Variants in LRRC7 observed in about 807,000 individuals in gnomAD.
LRRC7 encodes leucine rich repeat containing 7, also known as leucine-rich repeat-containing protein 7.
LRRC7 carries 23 observed loss-of-function variants against 175.7 expected under a neutral mutation model. The observed-to-expected ratio is 0.13, with a 90% CI of 0.09 to 0.19. The LOEUF (loss-of-function observed/expected upper bound fraction) is 0.19. Among genes scored for constraint, LRRC7 ranks in the 10% least tolerant of loss-of-function variants. LRRC7 has a pLI of 1.00. For synonymous variants in LRRC7, 685 were observed against 680.9 expected, an observed-to-expected ratio of 1.01 and a Z score of -0.09; for missense variants, 1,354 against 1,904.7, an observed-to-expected ratio of 0.71 and a Z score of 5.38.
chr1:69,631,833 G>T (rs1176002475), intron 1 of LRRC7, among the ~76,000 whole-genome samples: 1 of 151,968 alleles, frequency 6.6e-6, no homozygotes, highest in African/African-American at 2.4e-5. Flanking sequence ...TAATCATCCT[G>T]CTCAGTGTGT....
At chr1:69,691,607 G>C (rs1661872919) in intron 2 of LRRC7, among the ~76,000 whole-genome samples, 1 of 152,048 alleles carries the variant, frequency 6.6e-6, no homozygotes, top group African/African-American at 2.4e-5. Flanking sequence ...AGATGGGCCT[G>C]AGCAACATGG....
intron 2 of LRRC7, among the ~76,000 whole-genome samples, chr1:69,690,733 C>T (rs1376878790): frequency 1.3e-5 from 2 of 152,098 alleles, no homozygotes; most frequent in East Asian, 3.9e-4. Context: ...GCTAAATGAC[C>T]ACAGAGCAGA....
intron 3 of LRRC7, among the ~76,000 whole-genome samples, chr1:69,777,582 G>A (rs72941464): frequency 0.024 from 3,596 of 152,268 alleles, 144 homozygotes; most frequent in African/African-American, 0.083. Context: ...CACTCAGCAA[G>A]TGTAATTTCC....
intron 23 of LRRC7, among the ~76,000 whole-genome samples, chr1:70,073,512 G>A (rs1237964817): frequency 6.6e-6 from 1 of 152,038 alleles, no homozygotes; most frequent in Non-Finnish European, 1.5e-5. Context: ...CCAATATATA[G>A]CATTAGCTTT....
At chr1:69,999,287 G>T (rs908736416) in intron 11 of LRRC7, among the ~76,000 whole-genome samples, 1 of 152,158 alleles carries the variant, frequency 6.6e-6, no homozygotes, top group Non-Finnish European at 1.5e-5. Context: ...TGGACAAAAG[G>T]CTTATTCCAG....
chr1:69,895,683 CTA>C (rs1402530612), intron 7 of LRRC7, among the ~76,000 whole-genome samples: 2 of 152,144 alleles, frequency 1.3e-5, no homozygotes, highest in African/African-American at 4.8e-5. Context: ...GTAAATGTAA[CTA>C]TACAGTATAT....
intron 2 of LRRC7, among the ~76,000 whole-genome samples, chr1:69,734,873 T>G (rs765717691): frequency 2.0e-5 from 3 of 151,910 alleles, no homozygotes; most frequent in Non-Finnish European, 4.4e-5. Flanking sequence ...TTTTAAGTTA[T>G]GTAGATAAAT....
intron 4 of LRRC7, among the ~76,000 whole-genome samples, chr1:69,816,965 G>C (rs543174249): frequency 6.6e-6 from 1 of 152,114 alleles, no homozygotes; most frequent in African/African-American, 2.4e-5. Context: ...GTTCCAAATA[G>C]GAGGATTTGC....
intron 2 of LRRC7, among the ~76,000 whole-genome samples, chr1:69,718,096 GAAGA>G (rs1253749925): frequency 3.0e-4 from 8 of 26,818 alleles, no homozygotes; most frequent in African/African-American, 1.3e-3. Flanking sequence ...AAAAGAAAGA[GAAGA>G]AAGAGAGAAA....
intron 4 of LRRC7, among the ~76,000 whole-genome samples, chr1:69,803,266 A>G (rs558458998): frequency 1.2e-4 from 18 of 151,512 alleles, no homozygotes; most frequent in African/African-American, 3.6e-4. Context: ...CCGCAAGAAT[A>G]TTAGGTTCAA....
rs148202443 is a variant in LRRC7 at position 69,603,714 on chromosome 1, G to A, written c.2+35073G>A. ...TTAGGTCCTAGAGGCTAGATATTTT[G>A]TACACAGTAGCTGAAAAATAATTGT... On this transcript the variant is annotated intron_variant, in intron 1 of 26. Coordinates refer to ENST00000651989, the MANE Select transcript of LRRC7 (RefSeq NM_001370785.2). Among the ~76,000 whole-genome samples, 47 of 152,136 alleles carry A rather than the reference G, an allele frequency of 3.1e-4. No homozygotes were observed. In the East Asian group the frequency reaches 8.5e-3, roughly 28 times the overall value.
chr1:69,864,332 G>A (rs1684681683), intron 7 of LRRC7, among the ~76,000 whole-genome samples: 1 of 152,146 alleles, frequency 6.6e-6, no homozygotes, highest in African/African-American at 2.4e-5. Flanking sequence ...GAATAAAATA[G>A]TTGGAAGAAT....
intron 8 of LRRC7, among the ~76,000 whole-genome samples, chr1:69,976,039 A>G (rs931312612): frequency 1.1e-4 from 16 of 152,100 alleles, no homozygotes; most frequent in African/African-American, 3.9e-4. Flanking sequence ...CTTTACAAAT[A>G]ATATTCTACC....
chr1:69,831,137 C>T (rs996115869), intron 5 of LRRC7, among the ~76,000 whole-genome samples: 1 of 151,734 alleles, frequency 6.6e-6, no homozygotes, highest in South Asian at 2.1e-4. Flanking sequence ...CTGTCCCTAC[C>T]AATAGAAAAT....
chr1:69,869,428 A>C (rs1685285050), intron 7 of LRRC7, among the ~76,000 whole-genome samples: 2 of 152,118 alleles, frequency 1.3e-5, no homozygotes, highest in African/African-American at 4.8e-5. Context: ...AATCCAAAGT[A>C]AGAAGCTTGT....
intron 2 of LRRC7, among the ~76,000 whole-genome samples, chr1:69,742,244 CTA>C (rs1012404956): frequency 6.6e-5 from 10 of 151,816 alleles, no homozygotes; most frequent in African/African-American, 2.4e-4. Flanking sequence ...ATATGAAAAA[CTA>C]AATATCAAAT....
chr1:70,095,629 C>T (rs1485435556), intron 25 of LRRC7, among the ~76,000 whole-genome samples: 7 of 151,910 alleles, frequency 4.6e-5, no homozygotes, highest in African/African-American at 1.5e-4. Context: ...GGTATCTAGA[C>T]ATTATAATAG....
At chr1:69,876,652 C>G (rs1174984838) in intron 7 of LRRC7, among the ~76,000 whole-genome samples, 1 of 152,148 alleles carries the variant, frequency 6.6e-6, no homozygotes, top group African/African-American at 2.4e-5. Flanking sequence ...CTGTATTTTA[C>G]ATATAGATAG....
chr1:69,672,464 C>T (rs187962768), intron 1 of LRRC7, among the ~76,000 whole-genome samples: 1 of 152,238 alleles, frequency 6.6e-6, no homozygotes, highest in East Asian at 1.9e-4. Context: ...GATTTTTGCA[C>T]TTATTCTATG....
Sources: allele counts gnomAD v4.1 joint callset (sites outside exome capture counted in the v4.1 genomes callset), GRCh38; gene constraint gnomAD v4.1.1; transcripts MANE v1.5; gene names NCBI Gene and HGNC (gene_info 2026-07-23, HGNC 2026-07-21).